Variants in UNC13C observed in about 807,000 individuals in gnomAD.
The protein encoded by UNC13C is protein unc-13 homolog C.
A neutral mutation model predicts 245.4 loss-of-function variants in UNC13C; 174 were observed. The ratio of observed to expected loss-of-function variants is 0.71; its 90% CI spans 0.63 to 0.80. The LOEUF (loss-of-function observed/expected upper bound fraction) is 0.80. Ranked by LOEUF, UNC13C falls within the 30% of genes least tolerant of loss-of-function variation. The pLI is 0.00. For missense variants in UNC13C, 2,829 were observed against 2,602.9 expected, an observed-to-expected ratio of 1.09 and a Z score of -1.89; for synonymous variants, 992 against 895.1, an observed-to-expected ratio of 1.11 and a Z score of -1.93.
intron 17 of UNC13C, among the ~76,000 whole-genome samples, chr15:54,350,179 A>G (rs2038950701): frequency 1.3e-5 from 2 of 152,248 alleles, no homozygotes; most frequent in East Asian, 1.9e-4. Flanking sequence ...TTTAGTACTG[A>G]CGGGGTTTCA....
chr15:54,431,720 A>G (rs2040877454), intron 19 of UNC13C, among the ~76,000 whole-genome samples: 1 of 151,690 alleles, frequency 6.6e-6, no homozygotes, highest in Non-Finnish European at 1.5e-5. Context: ...CATATGTGCA[A>G]TAAGCACAAG....
chr15:54,592,072 C>T (rs998339921), intron 30 of UNC13C, among the ~76,000 whole-genome samples: 7 of 152,120 alleles, frequency 4.6e-5, no homozygotes, highest in Admixed American at 1.3e-4. Context: ...CATTCAGGAG[C>T]AGGTTATTTA....
At chr15:54,104,722 A>G (rs1014955202) in intron 2 of UNC13C, among the ~76,000 whole-genome samples, 1 of 151,578 alleles carries the variant, frequency 6.6e-6, no homozygotes, top group Non-Finnish European at 1.5e-5. Context: ...TAATTGTTTC[A>G]TATGCTGATT....
At chr15:54,109,347 C>CT (rs61446324) in intron 2 of UNC13C, among the ~76,000 whole-genome samples, 2 of 74,010 alleles carry the variant, frequency 2.7e-5, no homozygotes, top group African/African-American at 1.1e-4. Flanking sequence ...TCTTTCTTTC[C>CT]TTTTTTTTTT....
intron 17 of UNC13C, among the ~76,000 whole-genome samples, chr15:54,373,687 C>T (rs1326642175): frequency 3.3e-5 from 5 of 152,190 alleles, no homozygotes; most frequent in Non-Finnish European, 7.3e-5. Context: ...AGTCTGGGTT[C>T]CCCGAAGGGC....
chr15:53,919,179 C>T, the UNC13C span, among the ~76,000 whole-genome samples: 6 of 152,260 alleles, frequency 3.9e-5, no homozygotes, highest in East Asian at 7.7e-4. Context: ...CACCTACTAG[C>T]TGTGTGAGCT....
intron 19 of UNC13C, among the ~76,000 whole-genome samples, chr15:54,482,140 G>C (rs78020011): frequency 0.018 from 2,781 of 152,234 alleles, 84 homozygotes; most frequent in African/African-American, 0.065. Flanking sequence ...GCATGGGCTA[G>C]AGTAGTGGAA....
chr15:54,600,989 C>CA (rs1284522515), intron 30 of UNC13C, among the ~76,000 whole-genome samples: 1 of 149,374 alleles, frequency 6.7e-6, no homozygotes, highest in Admixed American at 6.7e-5. Flanking sequence ...GCTGATGAGC[C>CA]AAAAAAATTG....
chr15:53,854,122 GTTTTTTT>G, the UNC13C span, among the ~76,000 whole-genome samples: 1 of 133,578 alleles, frequency 7.5e-6, no homozygotes, highest in Non-Finnish European at 1.6e-5. Flanking sequence ...GTTTTTATAG[GTTTTTTT>G]TTTTTTTTTG....
chr15:54,591,564 G>A (rs886803554), intron 30 of UNC13C, among the ~76,000 whole-genome samples: 1 of 152,050 alleles, frequency 6.6e-6, no homozygotes, highest in Non-Finnish European at 1.5e-5. Flanking sequence ...AGATTTTCTA[G>A]TTTATGTACA....
At chr15:54,608,453 AT>A (rs1393366575) in intron 30 of UNC13C, among the ~76,000 whole-genome samples, 1 of 152,178 alleles carries the variant, frequency 6.6e-6, no homozygotes, top group Non-Finnish European at 1.5e-5. Flanking sequence ...GATCACAAAA[AT>A]ATCTTCCAGT....
chr15:54,357,231 T>A (rs956705481), intron 17 of UNC13C, among the ~76,000 whole-genome samples: 2 of 152,050 alleles, frequency 1.3e-5, no homozygotes, highest in Non-Finnish European at 2.9e-5. Context: ...TTATATAAAT[T>A]GTGATGAAAA....
At chr15:53,976,135 T>C (rs1475360384), upstream of UNC13C, among the ~76,000 whole-genome samples, 1 of 152,188 alleles carries the variant, frequency 6.6e-6, no homozygotes, top group Non-Finnish European at 1.5e-5. Flanking sequence ...AATAAAGTCA[T>C]AAAGCTCTGT....
chr15:54,239,640 C>G (rs2035799480), intron 7 of UNC13C, among the ~76,000 whole-genome samples: 1 of 151,876 alleles, frequency 6.6e-6, no homozygotes, highest in Non-Finnish European at 1.5e-5. Flanking sequence ...TTTTTAGAGA[C>G]AGGGTCTCAC....
At chr15:53,862,260 G>T in the UNC13C span, among the ~76,000 whole-genome samples, 2 of 152,056 alleles carry the variant, frequency 1.3e-5, no homozygotes, top group Admixed American at 1.3e-4. Context: ...TGGAACAAGG[G>T]TGTTTATTTC....
At chr15:54,094,949 C>T (rs1287729993) in intron 2 of UNC13C, among the ~76,000 whole-genome samples, 2 of 152,174 alleles carry the variant, frequency 1.3e-5, no homozygotes, top group African/African-American at 2.4e-5. Flanking sequence ...GGTATCTATC[C>T]TAATAGCTTC....
intron 17 of UNC13C, among the ~76,000 whole-genome samples, chr15:54,367,381 A>G (rs980996469): frequency 1.3e-5 from 2 of 152,202 alleles, no homozygotes; most frequent in African/African-American, 4.8e-5. Flanking sequence ...TGATAGATTT[A>G]ACAGTAAATA....
At chr15:54,371,352 G>A (rs1449037575) in intron 17 of UNC13C, among the ~76,000 whole-genome samples, 1 of 152,070 alleles carries the variant, frequency 6.6e-6, no homozygotes, top group Non-Finnish European at 1.5e-5. Flanking sequence ...CAAAATGATG[G>A]AAATGTATAG....
chr15:54,255,562 C>T (rs1049046419), intron 8 of UNC13C, among the ~76,000 whole-genome samples: 1 of 152,180 alleles, frequency 6.6e-6, no homozygotes, highest in Non-Finnish European at 1.5e-5. Context: ...GATGTCCAGC[C>T]GCCTGTGTGT....
Sources: gnomAD v4.1 joint callset for allele counts (sites outside exome capture counted in the v4.1 genomes callset) on GRCh38, gnomAD v4.1.1 for gene constraint, MANE v1.5 for transcripts, NCBI Gene and HGNC (gene_info 2026-07-23, HGNC 2026-07-21) for gene names.